The following NLGN1 variants were observed in gnomAD, a reference collection of about 807,000 sequenced individuals.
The protein encoded by NLGN1 is neuroligin-1.
NLGN1 carries 12 observed loss-of-function variants against 65.5 expected under a neutral mutation model. The ratio of observed to expected loss-of-function variants is 0.18; its 90% CI spans 0.12 to 0.30. The LOEUF is 0.30. NLGN1 is among the 10% of genes least tolerant of loss of function. The probability of loss-of-function intolerance (pLI) is 1.00; values close to 1 mark genes in which losing one functional copy is unlikely to be tolerated. For synonymous variants in NLGN1, 350 were observed against 359.5 expected, an observed-to-expected ratio of 0.97 and a Z score of 0.30; for missense variants, 750 against 1,007.1, an observed-to-expected ratio of 0.74 and a Z score of 3.46.
chr3:173,885,383 T>C (rs1011297988), intron 4 of NLGN1, among the ~76,000 whole-genome samples: 4 of 152,096 alleles, frequency 2.6e-5, no homozygotes, highest in South Asian at 2.1e-4. Context: ...TAGTATACAG[T>C]AGGTGGTTGA....
intron 3 of NLGN1, among the ~76,000 whole-genome samples, chr3:173,791,357 T>C (rs564305876): frequency 2.6e-5 from 4 of 152,274 alleles, no homozygotes; most frequent in Admixed American, 2.0e-4. Flanking sequence ...ATCTGGTTAA[T>C]TATTTAATTT....
intron 2 of NLGN1, among the ~76,000 whole-genome samples, chr3:173,562,383 A>G (rs1055830242): frequency 6.6e-6 from 1 of 152,134 alleles, no homozygotes; most frequent in African/African-American, 2.4e-5. Flanking sequence ...CTTGGCCAAC[A>G]TGGTGAAACC....
intron 3 of NLGN1, among the ~76,000 whole-genome samples, chr3:173,783,422 C>T (rs1781480500): frequency 6.6e-6 from 1 of 152,100 alleles, no homozygotes; most frequent in Admixed American, 6.6e-5. Context: ...AGTGTCCTCA[C>T]CTGCTCCAGA....
intron 2 of NLGN1, among the ~76,000 whole-genome samples, chr3:173,471,673 G>A (rs553653499): frequency 6.6e-6 from 1 of 152,152 alleles, no homozygotes; most frequent in Non-Finnish European, 1.5e-5. Flanking sequence ...AATAACAATA[G>A]ACTTTTAGAG....
chr3:173,671,380 G>T (rs1762428338), intron 3 of NLGN1, among the ~76,000 whole-genome samples: 1 of 152,096 alleles, frequency 6.6e-6, no homozygotes, highest in Non-Finnish European at 1.5e-5. Context: ...TACTGGGGAG[G>T]CTGAGGTGGG....
intron 2 of NLGN1, among the ~76,000 whole-genome samples, chr3:173,478,244 C>A (rs1726598034): frequency 6.6e-6 from 1 of 152,162 alleles, no homozygotes; most frequent in Admixed American, 6.5e-5. Context: ...GAGATCATGT[C>A]TTTTGCAGAG....
At chr3:173,479,916 A>G (rs1425309192) in intron 2 of NLGN1, among the ~76,000 whole-genome samples, 4 of 152,158 alleles carry the variant, frequency 2.6e-5, no homozygotes, top group Non-Finnish European at 4.4e-5. Flanking sequence ...AGAAGTTGTT[A>G]AAGTGAGAAG....
intron 3 of NLGN1, among the ~76,000 whole-genome samples, chr3:173,652,003 A>G (rs909790055): frequency 5.3e-5 from 8 of 152,132 alleles, no homozygotes; most frequent in African/African-American, 1.9e-4. Context: ...CATGTTGGCC[A>G]GGCCGGTTTC....
intron 2 of NLGN1, among the ~76,000 whole-genome samples, chr3:173,471,176 A>G (rs1048611547): frequency 2.0e-5 from 3 of 152,138 alleles, no homozygotes; most frequent in Non-Finnish European, 4.4e-5. Context: ...GGTCAGCATT[A>G]AGTTTCTAAA....
chr3:173,554,213 A>G (rs1350066448), intron 2 of NLGN1, among the ~76,000 whole-genome samples: 1 of 152,216 alleles, frequency 6.6e-6, no homozygotes, highest in Non-Finnish European at 1.5e-5. Context: ...AAAACTAAAA[A>G]TTAAAGATGA....
At chr3:174,228,716 T>A (rs1302972260) in intron 4 of NLGN1, among the ~76,000 whole-genome samples, 1 of 152,126 alleles carries the variant, frequency 6.6e-6, no homozygotes, top group African/African-American at 2.4e-5. Flanking sequence ...TTCCTTTTCA[T>A]AACTCTTCTT....
chr3:173,468,142 A>T (rs1011381117), intron 2 of NLGN1, among the ~76,000 whole-genome samples: 3 of 152,084 alleles, frequency 2.0e-5, no homozygotes, highest in African/African-American at 7.2e-5. Context: ...GCTTTATTCA[A>T]CTTACTCTCT....
chr3:173,597,787 A>AT (rs1236222156), intron 2 of NLGN1, among the ~76,000 whole-genome samples: 1 of 110,758 alleles, frequency 9.0e-6, no homozygotes, highest in African/African-American at 2.9e-5. Flanking sequence ...AATTAACAGT[A>AT]TTTTAAAATG....
intron 4 of NLGN1, among the ~76,000 whole-genome samples, chr3:174,209,701 C>T (rs1035199487): frequency 1.0e-4 from 13 of 124,964 alleles, no homozygotes; most frequent in Non-Finnish European, 1.6e-4. Flanking sequence ...GGTGTGATCT[C>T]GGCTCACTGC....
rs567621411 is a variant in NLGN1, at chr3:173,884,052, CT to C, written c.646+76231del. Among the ~76,000 whole-genome samples the C allele has an allele frequency of 8.6e-3, 1,245 of 144,822 alleles. 20 individuals carry two copies. The highest frequency in any genetic ancestry group is 0.027 in the African/African-American group (1,081 of 39,816). The stretch of plus-strand genomic sequence containing the variant: ...GGGTAAACTAAAGATTTCTTACTGA[CT>C]TTTTTTTTTTAATCGAAAGAATCAT... On this transcript the variant is annotated intron_variant, in intron 4 of 6. Transcript: ENST00000457714.
chr3:173,866,750 G>GTTTTC (rs2150841301), intron 4 of NLGN1, among the ~76,000 whole-genome samples: 1 of 152,190 alleles, frequency 6.6e-6, no homozygotes, highest in South Asian at 2.1e-4. Context: ...ATAAAGCCAT[G>GTTTTC]TTTTCTGATT....
intron 4 of NLGN1, among the ~76,000 whole-genome samples, chr3:173,848,674 G>A (rs1414013751): frequency 3.3e-5 from 5 of 152,054 alleles, no homozygotes; most frequent in Admixed American, 2.0e-4. Context: ...TGGAATGTTG[G>A]CCTGCATTTA....
chr3:173,703,279 A>G (rs1767536077), intron 3 of NLGN1, among the ~76,000 whole-genome samples: 1 of 152,178 alleles, frequency 6.6e-6, no homozygotes, highest in South Asian at 2.1e-4. Flanking sequence ...AGGCATGGCA[A>G]TTCAGTTTAA....
intron 2 of NLGN1, among the ~76,000 whole-genome samples, chr3:173,599,696 A>G (rs1365644414): frequency 1.3e-5 from 2 of 152,172 alleles, no homozygotes; most frequent in Non-Finnish European, 2.9e-5. Flanking sequence ...CCACAGACCT[A>G]TAAGTGCAAA....
Sources: gnomAD v4.1 joint callset for allele counts (sites outside exome capture counted in the v4.1 genomes callset) on GRCh38, gnomAD v4.1.1 for gene constraint, MANE v1.5 for transcripts, NCBI Gene and HGNC (gene_info 2026-07-23, HGNC 2026-07-21) for gene names.